Variants in ERC1 observed in about 807,000 individuals in gnomAD.
ERC1 encodes the protein RAB6 interacting protein 2.
Under a neutral mutation model 132.0 loss-of-function variants are expected in ERC1, and 56 were observed. The observed-to-expected ratio is 0.42, with a 90% CI of 0.34 to 0.53. ERC1 has a LOEUF of 0.53. Among genes scored for constraint, ERC1 ranks in the 20% least tolerant of loss-of-function variants. The probability of loss-of-function intolerance (pLI) is 0.03; values close to 1 mark genes in which losing one functional copy is unlikely to be tolerated. For missense variants in ERC1, 1,202 were observed against 1,349.9 expected, an observed-to-expected ratio of 0.89 and a Z score of 1.72; for synonymous variants, 478 against 476.1, an observed-to-expected ratio of 1.00 and a Z score of -0.05.
intron 1 of ERC1, among the ~76,000 whole-genome samples, chr12:1,018,565 T>C (rs1405642187): frequency 6.6e-6 from 1 of 152,230 alleles, no homozygotes; most frequent in African/African-American, 2.4e-5. Context: ...CTTTCTTAAC[T>C]TGAGGAAAAT....
intron 14 of ERC1, among the ~76,000 whole-genome samples, chr12:1,281,226 G>C (rs1436804069): frequency 1.3e-5 from 2 of 152,224 alleles, no homozygotes; most frequent in South Asian, 4.1e-4. Context: ...CATTTGAGAT[G>C]ATCAGATTAT....
intron 8 of ERC1, among the ~76,000 whole-genome samples, chr12:1,142,110 T>C (rs1230979867): frequency 1.3e-5 from 2 of 152,194 alleles, no homozygotes; most frequent in East Asian, 3.8e-4. Flanking sequence ...CCAAATTGGT[T>C]TAGTACATGG....
chr12:1,091,329 G>A (rs1312593965), intron 3 of ERC1, among the ~76,000 whole-genome samples: 1 of 152,202 alleles, frequency 6.6e-6, no homozygotes, highest in Non-Finnish European at 1.5e-5. Context: ...TTATAACAGG[G>A]TAAGTGTCCT....
intron 18 of ERC1, among the ~76,000 whole-genome samples, chr12:1,466,309 A>C (rs532681112): frequency 1.3e-5 from 2 of 152,238 alleles, no homozygotes; most frequent in East Asian, 3.9e-4. Flanking sequence ...CTGTATGTCC[A>C]GATTTCCTCC....
At chr12:1,049,957 G>T (rs1447704084) in intron 2 of ERC1, among the ~76,000 whole-genome samples, 9 of 152,026 alleles carry the variant, frequency 5.9e-5, no homozygotes, top group Admixed American at 5.2e-4. Flanking sequence ...TGGCCAGGCT[G>T]GTCTCAAACT....
chr12:1,395,984 C>T (rs1183108590), intron 16 of ERC1, among the ~76,000 whole-genome samples: 1 of 151,310 alleles, frequency 6.6e-6, no homozygotes, highest in African/African-American at 2.4e-5. Flanking sequence ...TATCCATAAT[C>T]AACAATTTTC....
At chr12:1,317,755 T>C (rs945177162) in intron 15 of ERC1, among the ~76,000 whole-genome samples, 3 of 146,668 alleles carry the variant, frequency 2.0e-5, no homozygotes, top group Admixed American at 6.7e-5. Flanking sequence ...TCAGATTATA[T>C]GGTGATCTTT....
At chr12:1,222,876 A>G (rs2074281823) in intron 12 of ERC1, among the ~76,000 whole-genome samples, 1 of 152,234 alleles carries the variant, frequency 6.6e-6, no homozygotes, top group Non-Finnish European at 1.5e-5. Flanking sequence ...GACAGATAAT[A>G]AAAATTCCTT....
chr12:1,029,892 T>C (rs1390964860), intron 2 of ERC1, among the ~76,000 whole-genome samples: 1 of 151,812 alleles, frequency 6.6e-6, no homozygotes, highest in African/African-American at 2.4e-5. Flanking sequence ...GGATTACAGG[T>C]GCCCGCCACC....
chr12:1,185,426 G>GT (rs940551847), intron 11 of ERC1, among the ~76,000 whole-genome samples: 17 of 134,400 alleles, frequency 1.3e-4, no homozygotes, highest in African/African-American at 3.5e-4. Context: ...TTTATTGAAG[G>GT]TTTTTTTTTC....
chr12:1,045,984 T>C (rs1356134408), intron 2 of ERC1, among the ~76,000 whole-genome samples: 1 of 152,140 alleles, frequency 6.6e-6, no homozygotes, highest in East Asian at 1.9e-4. Context: ...GTAAATGACA[T>C]ACATCAGTAC....
chr12:1,439,279 T>C (rs1404450915), intron 17 of ERC1, among the ~76,000 whole-genome samples: 1 of 152,156 alleles, frequency 6.6e-6, no homozygotes, highest in Non-Finnish European at 1.5e-5. Context: ...CTGTTACTAT[T>C]TGTATTGAAT....
intron 2 of ERC1, among the ~76,000 whole-genome samples, chr12:1,035,605 T>C (rs1968902669): frequency 6.6e-6 from 1 of 152,094 alleles, no homozygotes; most frequent in Non-Finnish European, 1.5e-5. Flanking sequence ...AGCTGTGAGC[T>C]TGGTGGAACT....
intron 8 of ERC1, among the ~76,000 whole-genome samples, chr12:1,143,279 C>A (rs1025867110): frequency 6.6e-6 from 1 of 151,036 alleles, no homozygotes; most frequent in African/African-American, 2.4e-5. Context: ...GCCATCTTCC[C>A]ATCTCAGCCT....
intron 15 of ERC1, among the ~76,000 whole-genome samples, chr12:1,343,015 C>G (rs940664841): frequency 2.0e-5 from 3 of 152,198 alleles, no homozygotes; most frequent in Non-Finnish European, 2.9e-5. Flanking sequence ...GCCTGTCACT[C>G]ATGCGGTCCT....
At chr12:1,471,412 ATAAG>A (rs1565503270) in intron 18 of ERC1, among the ~76,000 whole-genome samples, 1 of 152,276 alleles carries the variant, frequency 6.6e-6, no homozygotes, top group Non-Finnish European at 1.5e-5. Flanking sequence ...GTGTCTAGAC[ATAAG>A]TAAGTTAGAA....
At chr12:1,335,800 G>A (rs1286540992) in intron 15 of ERC1, among the ~76,000 whole-genome samples, 2 of 152,124 alleles carry the variant, frequency 1.3e-5, no homozygotes, top group Non-Finnish European at 2.9e-5. Flanking sequence ...AGGGGTAATG[G>A]TACCAGCCCT....
chr12:993,993 T>G (rs1337331854), intron 1 of ERC1, among the ~76,000 whole-genome samples: 2 of 138,784 alleles, frequency 1.4e-5, no homozygotes, highest in Non-Finnish European at 3.0e-5. Context: ...TGCTTGAACC[T>G]GGGAGGTGGA....
intron 15 of ERC1, among the ~76,000 whole-genome samples, chr12:1,296,010 G>GAAAAAAAAA (rs77971645): frequency 1.1e-5 from 1 of 90,478 alleles, no homozygotes. Flanking sequence ...TGGTTTAACA[G>GAAAAAAAAA]AAAAAAAAAA....
Sources: gnomAD v4.1 joint callset for allele counts (sites outside exome capture counted in the v4.1 genomes callset) on GRCh38, gnomAD v4.1.1 for gene constraint, MANE v1.5 for transcripts, NCBI Gene and HGNC (gene_info 2026-07-23, HGNC 2026-07-21) for gene names.